The following KCNQ5 variants were observed in gnomAD, a reference collection of about 807,000 sequenced individuals.
KCNQ5 encodes the protein potassium voltage-gated channel subfamily Q member 5, also known as potassium voltage-gated channel subfamily KQT member 5.
In KCNQ5, 30 loss-of-function variants were observed where a neutral mutation model predicts 98.2. That is an observed-to-expected ratio of 0.31 (90% CI 0.23 to 0.41). The LOEUF (loss-of-function observed/expected upper bound fraction) is 0.41. Ranked by LOEUF, KCNQ5 falls within the 10% of genes least tolerant of loss-of-function variation. The pLI is 1.00. For missense variants in KCNQ5, 835 were observed against 1,182.5 expected (o/e 0.71, Z 4.31); for synonymous variants, 458 against 449.4 (o/e 1.02, Z -0.24).
chr6:73,128,744 C>G (rs570853063), intron 9 of KCNQ5, among the ~76,000 whole-genome samples: 1 of 152,250 alleles, frequency 6.6e-6, no homozygotes, highest in East Asian at 1.9e-4. Context: ...TTGCTAGAAC[C>G]CTTTCAGATT....
chr6:73,059,094 C>T lies in KCNQ5; in HGVS notation c.616+17032C>T, dbSNP rs192871592. On this transcript the variant is annotated intron_variant, in intron 3 of 13. Transcript: ENST00000370398. ...TCTCAAAGGAATGTAACTCATTCTA[C>T]CTTAAAGACATATGCACTCATATAT... Among the ~76,000 whole-genome samples, 288 of 152,258 alleles carry T rather than the reference C, an allele frequency of 1.9e-3. 3 individuals are homozygous for T. The highest frequency in any genetic ancestry group is 0.012 in the South Asian group (56 of 4,820).
intron 1 of KCNQ5, among the ~76,000 whole-genome samples, chr6:72,691,313 A>G (rs542596285): frequency 6.6e-6 from 1 of 152,368 alleles, no homozygotes; most frequent in East Asian, 1.9e-4. Context: ...CTTATGAAAT[A>G]TTTGTGAACA....
chr6:73,075,948 G>A (rs754140015), intron 3 of KCNQ5, among the ~76,000 whole-genome samples: 9 of 152,190 alleles, frequency 5.9e-5, no homozygotes, highest in Non-Finnish European at 7.3e-5. Context: ...GGGAGGCTGA[G>A]GTGGGACACA....
At chr6:72,811,089 G>C (rs1775219486) in intron 1 of KCNQ5, among the ~76,000 whole-genome samples, 1 of 152,212 alleles carries the variant, frequency 6.6e-6, no homozygotes, top group Non-Finnish European at 1.5e-5. Context: ...CTCAAGCACA[G>C]ATCTCGCCTG....
chr6:72,826,859 C>A (rs1776023044), intron 1 of KCNQ5, among the ~76,000 whole-genome samples: 1 of 151,998 alleles, frequency 6.6e-6, no homozygotes, highest in Admixed American at 6.6e-5. Flanking sequence ...TTTGACAAAT[C>A]TCTCCCTATC....
intron 1 of KCNQ5, among the ~76,000 whole-genome samples, chr6:72,762,671 G>C (rs539401827): frequency 1.4e-3 from 212 of 152,150 alleles, no homozygotes; most frequent in Middle Eastern, 0.014. Flanking sequence ...CTAGGTACTA[G>C]AATAAACACA....
rs572625929 is a variant in KCNQ5 at position 73,107,545 on chromosome 6, A to T, written c.1029+2178A>T. Among the ~76,000 whole-genome samples the T allele has an allele frequency of 2.2e-3, 334 of 152,322 alleles. 1 individual carries two copies. Among genetic ancestry groups the T allele is most frequent in the African/African-American group, 7.3e-3 (303 of 41,576 alleles). ...ATTAAAAGGGAAAACAAAATGTATG[A>T]AGATCTAGGGCCAATTAGTGTTAGG... On this transcript the variant is annotated intron_variant, in intron 6 of 13. Transcript: ENST00000370398.
chr6:72,717,573 A>G (rs140819857), intron 1 of KCNQ5, among the ~76,000 whole-genome samples: 76 of 152,318 alleles, frequency 5.0e-4, no homozygotes, highest in African/African-American at 1.7e-3. Context: ...TATTGTCAGT[A>G]TGGGAACACT....
At chr6:72,696,417 A>C (rs1165153575) in intron 1 of KCNQ5, among the ~76,000 whole-genome samples, 1 of 152,194 alleles carries the variant, frequency 6.6e-6, no homozygotes, top group Non-Finnish European at 1.5e-5. Context: ...GTTTTCTCCT[A>C]TTCATCATAA....
At chr6:72,752,219 G>A (rs1385360882) in intron 1 of KCNQ5, among the ~76,000 whole-genome samples, 1 of 152,054 alleles carries the variant, frequency 6.6e-6, no homozygotes, top group Non-Finnish European at 1.5e-5. Context: ...TTTGAGTTGG[G>A]AGACAGGTGC....
At chr6:73,187,577 TA>T (rs1257606517) in intron 11 of KCNQ5, among the ~76,000 whole-genome samples, 1 of 152,150 alleles carries the variant, frequency 6.6e-6, no homozygotes. Context: ...TGTATAAAAA[TA>T]AATGATAAAC....
At chr6:72,838,019 T>C (rs758847031) in intron 1 of KCNQ5, among the ~76,000 whole-genome samples, 55 of 151,940 alleles carry the variant, frequency 3.6e-4, no homozygotes, top group Non-Finnish European at 6.6e-4. Flanking sequence ...TTGTTACATA[T>C]GTATACATGT....
chr6:72,952,768 G>T (rs1415305942), intron 1 of KCNQ5, among the ~76,000 whole-genome samples: 2 of 152,084 alleles, frequency 1.3e-5, no homozygotes, highest in Non-Finnish European at 1.5e-5. Flanking sequence ...AACTAGCAAA[G>T]CTCTTGAAGA....
At chr6:73,060,976 C>G (rs1460160919) in intron 3 of KCNQ5, among the ~76,000 whole-genome samples, 1 of 152,162 alleles carries the variant, frequency 6.6e-6, no homozygotes, top group African/African-American at 2.4e-5. Context: ...AGCATTTACT[C>G]TTTGACCCAG....
At chr6:73,159,137 T>C (rs540652343) in intron 10 of KCNQ5, among the ~76,000 whole-genome samples, 4 of 152,320 alleles carry the variant, frequency 2.6e-5, no homozygotes, top group Non-Finnish European at 5.9e-5. Context: ...GAAAATGTGT[T>C]ACATACACAC....
chr6:72,961,589 T>G (rs1313933965), intron 1 of KCNQ5, among the ~76,000 whole-genome samples: 2 of 126,698 alleles, frequency 1.6e-5, no homozygotes, highest in Non-Finnish European at 1.5e-5. Flanking sequence ...GCCACTGCAC[T>G]CCAGCCTGGG....
chr6:73,130,859 A>G lies in KCNQ5; in HGVS notation c.1248-2562A>G, dbSNP rs148056236. ...GTTCTTGATTAGAATCTTATTCTTA[A>G]CTTTCATATAATTATGTCAAAAGAG... On this transcript the variant is annotated intron_variant, in intron 9 of 13. Transcript: ENST00000370398. Among the ~76,000 whole-genome samples the G allele has an allele frequency of 3.6e-3, 550 of 152,330 alleles. 6 individuals carry two copies. The highest frequency in any genetic ancestry group is 0.013 in the African/African-American group (536 of 41,568).
intron 1 of KCNQ5, among the ~76,000 whole-genome samples, chr6:72,653,024 G>A (rs1765952612): frequency 6.6e-6 from 1 of 152,028 alleles, no homozygotes; most frequent in East Asian, 1.9e-4. Context: ...ACAATCACAG[G>A]TATTCAGAGA....
At chr6:73,113,162 C>G (rs1775323510) in intron 7 of KCNQ5, among the ~76,000 whole-genome samples, 1 of 152,154 alleles carries the variant, frequency 6.6e-6, no homozygotes, top group African/African-American at 2.4e-5. Flanking sequence ...CTTTAGCACT[C>G]CTTAACTGGT....
Sources: allele counts gnomAD v4.1 joint callset (sites outside exome capture counted in the v4.1 genomes callset), GRCh38; gene constraint gnomAD v4.1.1; transcripts MANE v1.5; gene names NCBI Gene and HGNC (gene_info 2026-07-23, HGNC 2026-07-21).